Variants in CENPT observed in about 807,000 individuals in gnomAD.
The protein encoded by CENPT is centromere protein T.
CENPT carries 42 observed loss-of-function variants against 59.7 expected under a neutral mutation model. The ratio of observed to expected loss-of-function variants is 0.70; its 90% CI spans 0.55 to 0.91. The LOEUF is 0.91. Among genes scored for constraint, CENPT ranks in the 40% least tolerant of loss-of-function variants. The pLI, the probability that CENPT is intolerant of heterozygous loss-of-function variation, is 0.00. For missense variants in CENPT, 716 were observed against 713.4 expected (o/e 1.00, Z -0.04); for synonymous variants, 295 against 289.6 (o/e 1.02, Z -0.19).
chr16:67,839,718 C>T (rs1480594922), intron 1 of CENPT, among the ~76,000 whole-genome samples: 1 of 151,720 alleles, frequency 6.6e-6, no homozygotes, highest in African/African-American at 2.4e-5. Flanking sequence ...ACTAAAAGTA[C>T]ACAAAATTAG....
rs1438078368 is a variant in CENPT at position 67,828,243 on chromosome 16, A to G, written c.*24T>C. The G allele has an allele frequency of 6.4e-7, 1 of 1,557,724 alleles. No individual in the cohort carries two copies. The highest frequency in any genetic ancestry group is 1.9e-5 in the Admixed American group (1 of 52,740). On this transcript the variant is annotated 3_prime_UTR_variant, in exon 16 of 16. Transcript: ENST00000562787. ...GGGGCAAGAGTCCCCAGGTGGGGAC[A>G]GGGAAAGTGTTGAAGCCTGGCCACT...
rs1476291885 is a variant in CENPT, at chr16:67,834,009, T to C, written c.-150A>G. ...TCGCAGCTCGCGGGGTGGACAGTGA[T>C]GGTTGCAAACTCCGGATGCTTTGGA... On this transcript the variant is annotated 5_prime_UTR_variant, in exon 4 of 16. Transcript: ENST00000562787. 1.3e-5 allele frequency: 7 copies of C among 539,488 alleles called. No individual in the cohort carries two copies. The East Asian group carries it at 1.4e-4, about 11-fold the overall frequency. The allele number at this position is 539,488 out of a possible 1,614,324, so 33.4% of individuals were successfully genotyped here.
intron 7 of CENPT, 60 bp from the exon 8 acceptor site, chr16:67,831,950 C>G (rs973911359): frequency 6.3e-7 from 1 of 1,588,834 alleles, no homozygotes; most frequent in African/African-American, 1.4e-5. Flanking sequence ...TTTTGCAACC[C>G]CCAAGAAACT....
chr16:67,843,091 TC>T lies in CENPT; in HGVS notation c.-492+4309del, dbSNP rs1489230790. ...GATCCGTACAGCCGGCGCCCATCAC[TC>T]CCACTGGAGAAGACGTGAAGCCCAT... On this transcript the variant is annotated intron_variant, in intron 1 of 15. Coordinates refer to ENST00000562787, the MANE Select transcript of CENPT (RefSeq NM_025082.4). The surrounding 1 kb of genome is among the most constrained non-coding windows in gnomAD (Gnocchi z 5.7). 6.2e-7 allele frequency: 1 copy of T among 1,610,946 alleles called. No individual in the cohort carries two copies. The highest frequency in any genetic ancestry group is 8.5e-7 in the Non-Finnish European group (1 of 1,179,964).
Position 67,844,451 on chromosome 16 carries a change from C to T in CENPT, c.-492+2950G>A, listed in dbSNP as rs142279931. 9.8e-4 allele frequency among the ~76,000 whole-genome samples: 149 copies of T among 152,328 alleles called. 1 individual carries two copies. Among genetic ancestry groups the T allele is most frequent in the African/African-American group, 3.4e-3 (140 of 41,564 alleles). On this transcript the variant is annotated intron_variant, in intron 1 of 15. Transcript: ENST00000562787. ...CCCAGTTTGTCCATGGATTATCTCC[C>T]TGTATCCTTTCAACAAGAAGGACCA...
At chr16:67,835,431 A>T (rs1439747889) in intron 2 of CENPT, 107 bp downstream of exon 2, 2 of 152,054 alleles carry the variant, frequency 1.3e-5, no homozygotes, top group African/African-American at 4.8e-5. Flanking sequence ...TGGGAGGCTG[A>T]GGCGGGCGGA....
chr16:67,834,492 G>A (rs917918544), intron 3 of CENPT, among the ~76,000 whole-genome samples: 3 of 152,106 alleles, frequency 2.0e-5, no homozygotes, highest in South Asian at 4.1e-4. Context: ...GGTGGTGCGC[G>A]CCTGTAGTCC....
chr16:67,839,375 C>T (rs1299020147), intron 1 of CENPT, among the ~76,000 whole-genome samples: 1 of 146,802 alleles, frequency 6.8e-6, no homozygotes, highest in East Asian at 2.0e-4. Flanking sequence ...GAACAAAACT[C>T]CACCTCAAAA....
rs770050625 is a variant in CENPT at position 67,843,549 on chromosome 16, G to C, written c.-492+3852C>G. ...ACTCCCAGACCCCATCCAGCCAGGG[G>C]ACCGCAGGCCATTGTTGAACTCCTC... is the stretch of plus-strand genomic sequence containing the variant. On this transcript the variant is annotated intron_variant, in intron 1 of 15. Coordinates refer to ENST00000562787, the MANE Select transcript of CENPT (RefSeq NM_025082.4). This position sits in a 1 kb window ranked among gnomAD's most constrained non-coding sequence, Gnocchi z 5.7. 2.6e-6 allele frequency: 4 copies of C among 1,561,180 alleles called. No homozygotes were observed. Among genetic ancestry groups the C allele is most frequent in the Non-Finnish European group, 3.5e-6 (4 of 1,151,890 alleles).
In CENPT at chr16:67,834,038, A is replaced by G; in HGVS notation, c.-179T>C. Reference sequence around the variant, plus strand: ...TGCAAACTCCGGATGCTTTGGAGGCAGCCTCGCTGCGGGTAAACCTCGGTT... The same window carrying G: ...TGCAAACTCCGGATGCTTTGGAGGCGGCCTCGCTGCGGGTAAACCTCGGTT... On this transcript the variant is annotated 5_prime_UTR_variant, in exon 4 of 16. Coordinates refer to ENST00000562787, the MANE Select transcript of CENPT (RefSeq NM_025082.4). 2.0e-6 allele frequency: 1 copy of G among 491,474 alleles called. No homozygotes were observed. Among genetic ancestry groups the G allele is most frequent in the South Asian group, 3.1e-5 (1 of 32,636 alleles). 30.4% of individuals were successfully genotyped at this position (491,474 alleles called of 1,614,324 possible).
chr16:67,829,171 A>G, intron 13 of CENPT: 1 of 515,830 alleles, frequency 1.9e-6, no homozygotes, highest in South Asian at 3.0e-5. Context: ...GATTCTGCTA[A>G]TCGTCTTCCA....
intron 11 of CENPT, 150 bp from the exon 12 acceptor site, chr16:67,830,238 C>G: frequency 8.1e-7 from 1 of 1,239,352 alleles, no homozygotes; most frequent in Non-Finnish European, 1.1e-6. Context: ...TCTGAAGTCT[C>G]CTGGCCCAAC....
chr16:67,836,468 G>A (rs1344221726), intron 1 of CENPT, among the ~76,000 whole-genome samples: 17 of 140,006 alleles, frequency 1.2e-4, no homozygotes, highest in African/African-American at 4.5e-4. Context: ...ATGGAGTCTC[G>A]CTTTGTTGCC....
chr16:67,843,331 C>T lies in CENPT; in HGVS notation c.-492+4070G>A. The T allele has an allele frequency of 6.2e-7, 1 of 1,613,936 alleles. No homozygotes were observed. Among genetic ancestry groups the T allele is most frequent in the Non-Finnish European group, 8.5e-7 (1 of 1,180,042 alleles). ...GCACCACGGAGGAGGAGCTCCTGCG[C>T]AAGCTGAATGAGCAGCGGGACATCC... On this transcript the variant is annotated intron_variant, in intron 1 of 15. Transcript: ENST00000562787. The surrounding 1 kb of genome is among the most constrained non-coding windows in gnomAD (Gnocchi z 5.7).
chr16:67,840,024 T>C (rs937416194), intron 1 of CENPT, among the ~76,000 whole-genome samples: 1 of 151,594 alleles, frequency 6.6e-6, no homozygotes, highest in Non-Finnish European at 1.5e-5. Context: ...TTAGAAGTAA[T>C]GTACATTAGA....
intron 1 of CENPT, among the ~76,000 whole-genome samples, chr16:67,837,309 G>T (rs1234373273): frequency 6.6e-6 from 1 of 152,038 alleles, no homozygotes; most frequent in Non-Finnish European, 1.5e-5. Context: ...GAGTAGCTGG[G>T]ATTACCGGAG....
rs527500434 is a variant in CENPT at position 67,830,225 on chromosome 16, G to A, written c.863-137C>T. The A allele has an allele frequency of 2.0e-3, 2,454 of 1,210,078 alleles. 8 individuals carry two copies. Among genetic ancestry groups the A allele is most frequent in the Non-Finnish European group, 2.8e-3 (2,352 of 845,554 alleles). 75.0% of individuals were successfully genotyped at this position (1,210,078 alleles called of 1,614,324 possible). On this transcript the variant is annotated intron_variant, in intron 11 of 15. Transcript: ENST00000562787. ...AAAGCCAGAGGCAGCACCAGGACAT[G>A]GATCTGAAGTCTCCTGGCCCAACAT...
chr16:67,830,826 C>T (rs2057680129), intron 10 of CENPT: 1 of 526,264 alleles, frequency 1.9e-6, no homozygotes, highest in Non-Finnish European at 3.4e-6. Context: ...CTTAAAATAC[C>T]TCTTCGCTGC....
chr16:67,842,911 G>GCAGCAGCAA lies in CENPT; in HGVS notation c.-492+4481_-492+4489dup, dbSNP rs777578939. ...AGCAGCAACAGCAGCAACAGCAGCA[G>GCAGCAGCAA]CAGCAGCAACAGCAGCAGCAGCAGC... On this transcript the variant is annotated intron_variant, in intron 1 of 15. Transcript: ENST00000562787. This position sits in a 1 kb window ranked among gnomAD's most constrained non-coding sequence, Gnocchi z 4.9. The GCAGCAGCAA allele has an allele frequency of 1.5e-5, 23 of 1,569,362 alleles. No individual in the cohort carries two copies. The highest frequency in any genetic ancestry group is 6.9e-5 in the South Asian group (6 of 87,420).
Sources: allele counts gnomAD v4.1 joint callset (sites outside exome capture counted in the v4.1 genomes callset), GRCh38; gene constraint gnomAD v4.1.1; non-coding constraint Gnocchi (gnomAD v3.1); transcripts MANE v1.5; gene names NCBI Gene and HGNC (gene_info 2026-07-23, HGNC 2026-07-21).